Variants in RBL1 observed in about 807,000 individuals in gnomAD.
RBL1 encodes retinoblastoma-like protein 1.
A neutral mutation model predicts 123.0 loss-of-function variants in RBL1; 82 were observed. The ratio of observed to expected loss-of-function variants is 0.67; its 90% confidence interval spans 0.56 to 0.80. The LOEUF (loss-of-function observed/expected upper bound fraction) is 0.80, where lower values mean the gene tolerates loss of function less well. RBL1 is among the 30% of genes least tolerant of loss of function. RBL1 has a pLI of 0.00. For missense variants in RBL1, 1,171 were observed against 1,299.6 expected (o/e 0.90, Z 1.52); for synonymous variants, 405 against 441.3 (o/e 0.92, Z 1.03).
intron 13 of RBL1, among the ~76,000 whole-genome samples, chr20:37,040,514 G>A (rs1256268164): frequency 4.0e-5 from 6 of 151,798 alleles, no homozygotes; most frequent in African/African-American, 1.2e-4. Flanking sequence ...CATCATGCCC[G>A]GCTAATTTTT....
intron 15 of RBL1, 113 bp downstream of exon 15, chr20:37,035,127 AGT>A: frequency 9.5e-7 from 1 of 1,052,548 alleles, no homozygotes; most frequent in South Asian, 1.8e-5. Context: ...AAAAAAAAAA[AGT>A]ATAGGTTCAA....
At chr20:37,011,821 G>C (rs952968841) in intron 19 of RBL1, among the ~76,000 whole-genome samples, 3 of 152,132 alleles carry the variant, frequency 2.0e-5, no homozygotes, top group African/African-American at 7.2e-5. Context: ...GAAATCAAAA[G>C]TATTTAAGAT....
chr20:37,041,828 G>A (rs556217003), intron 13 of RBL1, among the ~76,000 whole-genome samples: 2 of 151,970 alleles, frequency 1.3e-5, no homozygotes, highest in African/African-American at 4.8e-5. Context: ...GAAAAGACAG[G>A]CCAGGTGCAG....
At chr20:37,047,350 A>G (rs1166571654) in intron 11 of RBL1, among the ~76,000 whole-genome samples, 160 bp from the exon 12 acceptor site, 1 of 152,232 alleles carries the variant, frequency 6.6e-6, no homozygotes, top group Non-Finnish European at 1.5e-5. Flanking sequence ...TAGTTTTCCT[A>G]TAATACCTAT....
intron 1 of RBL1, 105 bp from the exon 2 acceptor site, chr20:37,089,227 G>T: frequency 8.7e-7 from 1 of 1,144,306 alleles, no homozygotes; most frequent in Non-Finnish European, 1.2e-6. Flanking sequence ...TTTTCCTTAT[G>T]TAGATAAAGG....
At chr20:37,064,004 T>C (rs1398214303) in intron 7 of RBL1, among the ~76,000 whole-genome samples, 1 of 150,448 alleles carries the variant, frequency 6.6e-6, no homozygotes, top group Non-Finnish European at 1.5e-5. Context: ...GTATTTTTTG[T>C]AGAGACAAGG....
intron 9 of RBL1, among the ~76,000 whole-genome samples, chr20:37,060,346 A>G (rs557274376): frequency 1.3e-5 from 2 of 152,176 alleles, no homozygotes; most frequent in African/African-American, 4.8e-5. Context: ...AAAATAAATT[A>G]AAAATAAAGT....
intron 19 of RBL1, among the ~76,000 whole-genome samples, chr20:37,014,730 C>G (rs1274598378): frequency 6.6e-6 from 1 of 151,846 alleles, no homozygotes; most frequent in East Asian, 1.9e-4. Context: ...TGCCACTGTA[C>G]TCCAGCCTGG....
In RBL1 at chr20:37,056,172, G is replaced by GT; in HGVS notation, c.1336dup (p.Thr446AsnfsTer3). ...TATGTGAGATCCTGGCTGTTCATCT[G>GT]TTGATTGAGTATAGTGTTGACAGAA... On this transcript the variant is annotated frameshift_variant, in exon 10 of 22. Transcript: ENST00000373664. LOFTEE classifies it high-confidence loss of function. 6.2e-7 allele frequency: 1 copy of GT among 1,609,448 alleles called. No homozygotes were observed. Among genetic ancestry groups the GT allele is most frequent in the Non-Finnish European group, 8.5e-7 (1 of 1,179,384 alleles).
chr20:37,067,834 T>C lies in RBL1; in HGVS notation c.491+152A>G, dbSNP rs953469869. ...ATAAGTAAAAGTATTATCCTGAATT[T>C]CCAAATATGGATAATTGTACATGGA... is the stretch of plus-strand genomic sequence containing the variant. On this transcript the variant is annotated intron_variant, in intron 3 of 21. Transcript: ENST00000373664. 4 of 845,350 alleles carry C rather than the reference T, an allele frequency of 4.7e-6. No individual in the cohort carries two copies. In the African/African-American group the frequency reaches 7.1e-5, roughly 15 times the overall value. The allele number at this position is 845,350 out of a possible 1,614,324, so 52.4% of individuals were successfully genotyped here. A position where few individuals can be genotyped will look rare whatever the true frequency, so the allele number is the denominator to read the frequency against.
chr20:37,052,043 T>A (rs925707131), intron 11 of RBL1, among the ~76,000 whole-genome samples: 4 of 151,830 alleles, frequency 2.6e-5, no homozygotes, highest in Admixed American at 2.6e-4. Flanking sequence ...TTTAAGTTTT[T>A]TTTTTTTTAG....
chr20:37,066,987 T>A lies in RBL1; in HGVS notation c.685+6A>T. Reference sequence around the variant, plus strand: ...TCAGTTTTCAAAAATAAATAAAAGGTCTTACCTTTAAATGATGGATTTAGC... The same window carrying A: ...TCAGTTTTCAAAAATAAATAAAAGGACTTACCTTTAAATGATGGATTTAGC... On this transcript the variant is annotated splice_donor_region_variant and intron_variant, in intron 5 of 21. Coordinates refer to ENST00000373664, the MANE Select transcript of RBL1 (RefSeq NM_002895.5). The A allele has an allele frequency of 3.1e-6, 5 of 1,591,802 alleles. No homozygotes were observed. Among genetic ancestry groups the A allele is most frequent in the Non-Finnish European group, 4.3e-6 (5 of 1,172,112 alleles).
At chr20:37,044,325 C>A in intron 12 of RBL1, 75 bp from the exon 13 acceptor site, 2 of 1,393,732 alleles carry the variant, frequency 1.4e-6, no homozygotes, top group South Asian at 1.3e-5. Flanking sequence ...GTAGGACTAG[C>A]TGTGGCTTTC....
intron 20 of RBL1, among the ~76,000 whole-genome samples, chr20:37,006,547 A>AT (rs2064076031): frequency 6.6e-6 from 1 of 150,782 alleles, no homozygotes; most frequent in Non-Finnish European, 1.5e-5. Flanking sequence ...CAACAGAAAA[A>AT]TTTACCAAAT....
At chr20:37,009,579 C>CTT (rs1215078828) in intron 19 of RBL1, among the ~76,000 whole-genome samples, 2 of 151,950 alleles carry the variant, frequency 1.3e-5, no homozygotes, top group African/African-American at 4.8e-5. Flanking sequence ...AGGCTGGTCT[C>CTT]TAACTCCTGG....
intron 2 of RBL1, among the ~76,000 whole-genome samples, chr20:37,078,934 T>C (rs2065405981): frequency 6.6e-6 from 1 of 152,042 alleles, no homozygotes; most frequent in Non-Finnish European, 1.5e-5. Context: ...AAGATGTAAC[T>C]GTCATGGGTT....
chr20:37,085,461 C>G (rs1160512893), intron 2 of RBL1, among the ~76,000 whole-genome samples: 3 of 151,780 alleles, frequency 2.0e-5, no homozygotes, highest in African/African-American at 7.3e-5. Context: ...TACTTATAAG[C>G]CTTCTGTATT....
chr20:37,056,982 T>G (rs2065018375), intron 9 of RBL1, among the ~76,000 whole-genome samples: 1 of 134,252 alleles, frequency 7.4e-6, no homozygotes, highest in South Asian at 2.5e-4. Context: ...ATCTCATATC[T>G]CTATTTCTTT....
chr20:37,022,568 C>A, intron 17 of RBL1, 82 bp downstream of exon 17: 1 of 1,292,082 alleles, frequency 7.7e-7, no homozygotes, highest in Non-Finnish European at 1.1e-6. Flanking sequence ...CTCAAGCTAT[C>A]TGCTCACCTT....
Sources: allele counts gnomAD v4.1 joint callset (sites outside exome capture counted in the v4.1 genomes callset), GRCh38; gene constraint gnomAD v4.1.1; transcripts MANE v1.5; gene names NCBI Gene and HGNC (gene_info 2026-07-23, HGNC 2026-07-21).